AGBL4: variants seen among roughly 807,000 people sequenced by gnomAD.
The protein encoded by AGBL4 is cytosolic carboxypeptidase 6.
A neutral mutation model predicts 66.4 loss-of-function variants in AGBL4; 58 were observed. That is an observed-to-expected ratio of 0.87 (90% confidence interval 0.71 to 1.09). The LOEUF (loss-of-function observed/expected upper bound fraction) is 1.09. AGBL4 is among the 50% of genes least tolerant of loss of function. The probability of loss-of-function intolerance (pLI) is 0.00; values close to 1 mark genes in which losing one functional copy is unlikely to be tolerated. For synonymous variants in AGBL4, 234 were observed against 222.9 expected (o/e 1.05, Z -0.44); for missense variants, 579 against 631.0 (o/e 0.92, Z 0.88).
rs145865398 is a variant in AGBL4 at position 48,820,974 on chromosome 1, T to A, written c.634+46217A>T. Among the ~76,000 whole-genome samples, 281 of 152,146 alleles carry A rather than the reference T, an allele frequency of 1.8e-3. 2 individuals are homozygous for A. Among genetic ancestry groups the A allele is most frequent in the African/African-American group, 6.5e-3 (269 of 41,514 alleles). ...AACAGATATTTCTCAAAAGAAGACATACAAGTGGCCAATAAACATATGAAA... is the reference window on the plus strand; with the variant it reads ...AACAGATATTTCTCAAAAGAAGACAAACAAGTGGCCAATAAACATATGAAA... On this transcript the variant is annotated intron_variant, in intron 6 of 13. Coordinates refer to ENST00000371839, the MANE Select transcript of AGBL4 (RefSeq NM_032785.4).
At chr1:49,781,974 TAGAG>T (rs1644348509) in intron 2 of AGBL4, among the ~76,000 whole-genome samples, 1 of 151,934 alleles carries the variant, frequency 6.6e-6, no homozygotes, top group African/African-American at 2.4e-5. Flanking sequence ...AAGCAGTGCT[TAGAG>T]AGAAATTTAT....
chr1:49,497,084 A>T lies in AGBL4; in HGVS notation c.282+200229T>A, dbSNP rs370766520. On this transcript the variant is annotated intron_variant, in intron 3 of 13. Coordinates refer to ENST00000371839, the MANE Select transcript of AGBL4 (RefSeq NM_032785.4). ...TAGTCACTCCAACAGGTGTAAGGTG[A>T]TATTTCATTGTGGTTTTAATATGCA... 3.4e-4 allele frequency among the ~76,000 whole-genome samples: 51 copies of T among 152,044 alleles called. 1 individual carries two copies. The South Asian group carries it at 9.8e-3, about 29-fold the overall frequency.
chr1:49,963,794 A>T (rs1207396539), intron 1 of AGBL4, among the ~76,000 whole-genome samples: 1 of 152,166 alleles, frequency 6.6e-6, no homozygotes, highest in East Asian at 1.9e-4. Context: ...TCCAGGAAAG[A>T]GCAGAAATTA....
intron 2 of AGBL4, among the ~76,000 whole-genome samples, chr1:49,840,338 T>C (rs1042872838): frequency 7.2e-5 from 11 of 152,196 alleles, no homozygotes. Context: ...TTCCTGATTG[T>C]ACTTAAGTGG....
At chr1:49,035,637 C>T (rs1043777882) in intron 5 of AGBL4, among the ~76,000 whole-genome samples, 1 of 152,090 alleles carries the variant, frequency 6.6e-6, no homozygotes, top group Non-Finnish European at 1.5e-5. Context: ...AGGAGACTGC[C>T]TTTCCCTGGC....
intron 1 of AGBL4, among the ~76,000 whole-genome samples, chr1:50,013,630 A>G (rs913375923): frequency 1.3e-5 from 2 of 152,216 alleles, no homozygotes; most frequent in Non-Finnish European, 2.9e-5. Flanking sequence ...TGACACTACT[A>G]AGATAAGAAG....
intron 1 of AGBL4, among the ~76,000 whole-genome samples, chr1:49,914,652 T>C (rs947882682): frequency 6.6e-6 from 1 of 152,206 alleles, no homozygotes; most frequent in Non-Finnish European, 1.5e-5. Flanking sequence ...CCAAAGCCAC[T>C]CCCACATATT....
chr1:49,632,284 A>G (rs1437695774), intron 3 of AGBL4, among the ~76,000 whole-genome samples: 3 of 152,144 alleles, frequency 2.0e-5, no homozygotes, highest in African/African-American at 2.4e-5. Context: ...TGTTAACCCA[A>G]TTATTATGGG....
chr1:49,232,112 C>G (rs1650358227), intron 4 of AGBL4, among the ~76,000 whole-genome samples: 1 of 152,038 alleles, frequency 6.6e-6, no homozygotes, highest in Non-Finnish European at 1.5e-5. Flanking sequence ...ATACAGGTTT[C>G]CACTGGGGGG....
At chr1:49,898,481 T>C (rs1649439339) in intron 1 of AGBL4, among the ~76,000 whole-genome samples, 1 of 152,012 alleles carries the variant, frequency 6.6e-6, no homozygotes, top group South Asian at 2.1e-4. Context: ...CCGGCGAGGA[T>C]GTAGAGAAAA....
intron 3 of AGBL4, among the ~76,000 whole-genome samples, chr1:49,624,000 A>AGTGT (rs1413308536): frequency 1.4e-5 from 2 of 138,964 alleles, no homozygotes; most frequent in African/African-American, 6.5e-5. Flanking sequence ...TTGATGAGAG[A>AGTGT]GAGTGTGTGT....
In AGBL4 at chr1:49,944,807, A is replaced by T. The variant is rs146996682; in HGVS notation, c.34+78956T>A. ...AAAGCCCAGTTTAAAGAAACCAAAA[A>T]AAACAATCATACAAGAAATGAGGGG... On this transcript the variant is annotated intron_variant, in intron 1 of 13. Transcript: ENST00000371839. 6.5e-3 allele frequency among the ~76,000 whole-genome samples: 984 copies of T among 152,176 alleles called. 6 individuals carry two copies. The highest frequency in any genetic ancestry group is 0.031 in the Middle Eastern group (9 of 294).
chr1:49,712,355 A>G (rs1258089159), intron 2 of AGBL4, among the ~76,000 whole-genome samples: 1 of 151,926 alleles, frequency 6.6e-6, no homozygotes, highest in African/African-American at 2.4e-5. Context: ...AAAGAAAAAT[A>G]CTGCATGATC....
chr1:49,246,923 T>C (rs1459926503), intron 3 of AGBL4, among the ~76,000 whole-genome samples: 3 of 152,070 alleles, frequency 2.0e-5, no homozygotes, highest in Non-Finnish European at 4.4e-5. Flanking sequence ...TGAGGTATTA[T>C]ATAGTATCAA....
At chr1:49,596,915 G>A (rs888858259) in intron 3 of AGBL4, among the ~76,000 whole-genome samples, 10 of 152,148 alleles carry the variant, frequency 6.6e-5, no homozygotes, top group African/African-American at 1.9e-4. Context: ...ACTCTCAGAC[G>A]AGTGTTCAAT....
chr1:49,632,087 T>C (rs956825534), intron 3 of AGBL4, among the ~76,000 whole-genome samples: 3 of 152,212 alleles, frequency 2.0e-5, no homozygotes, highest in Non-Finnish European at 2.9e-5. Context: ...TGTTCTGACA[T>C]GATTCACAAC....
At chr1:48,614,315 C>T (rs1378202393) in intron 9 of AGBL4, among the ~76,000 whole-genome samples, 1 of 152,218 alleles carries the variant, frequency 6.6e-6, no homozygotes, top group Admixed American at 6.5e-5. Flanking sequence ...TTGGGGAAGT[C>T]ATTTTCCTTC....
chr1:49,211,937 A>G (rs1189729781), intron 4 of AGBL4, among the ~76,000 whole-genome samples: 2 of 152,142 alleles, frequency 1.3e-5, no homozygotes, highest in Admixed American at 1.3e-4. Flanking sequence ...GTGTCAGGCC[A>G]TGAACTAGAA....
intron 3 of AGBL4, among the ~76,000 whole-genome samples, chr1:49,255,891 T>C (rs1652446594): frequency 6.6e-6 from 1 of 152,220 alleles, no homozygotes; most frequent in South Asian, 2.1e-4. Context: ...ACCATTTTCC[T>C]TAGCAAACTA....
Sources: gnomAD v4.1 joint callset for allele counts (sites outside exome capture counted in the v4.1 genomes callset) on GRCh38, gnomAD v4.1.1 for gene constraint, MANE v1.5 for transcripts, NCBI Gene and HGNC (gene_info 2026-07-23, HGNC 2026-07-21) for gene names.